The following CLUAP1 variants were observed in gnomAD, a reference collection of about 807,000 sequenced individuals.
The protein encoded by CLUAP1 is clusterin-associated protein 1.
A neutral mutation model predicts 55.0 loss-of-function variants in CLUAP1; 50 were observed. The observed-to-expected ratio is 0.91, with a 90% confidence interval of 0.72 to 1.15. The LOEUF (loss-of-function observed/expected upper bound fraction) is 1.15. Among genes scored for constraint, CLUAP1 ranks in the 50% most tolerant of loss-of-function variants. The probability of loss-of-function intolerance (pLI) is 0.00; values close to 1 mark genes in which losing one functional copy is unlikely to be tolerated. For missense variants in CLUAP1, 530 were observed against 507.6 expected, an observed-to-expected ratio of 1.04 and a Z score of -0.42; for synonymous variants, 195 against 175.4, an observed-to-expected ratio of 1.11 and a Z score of -0.88.
Position 3,512,479 on chromosome 16 carries a change from G to A in CLUAP1, c.495+1G>A, listed in dbSNP as rs2151049673. The A allele has an allele frequency of 6.2e-7, 1 of 1,609,442 alleles. No individual in the cohort carries two copies. Among genetic ancestry groups the A allele is most frequent in the East Asian group, 2.2e-5 (1 of 44,832 alleles). ...GCTCGGCATGGAAGTAGAGTTGAGGGTAAGCATTCCAGTACTTCCTTAACC... is the reference window on the plus strand; with the variant it reads ...GCTCGGCATGGAAGTAGAGTTGAGGATAAGCATTCCAGTACTTCCTTAACC... On this transcript the variant is annotated splice_donor_variant, in intron 5 of 11. Coordinates refer to ENST00000576634, the MANE Select transcript of CLUAP1 (RefSeq NM_015041.3). LOFTEE classifies it high-confidence loss of function.
rs921610116 is a variant in CLUAP1 at position 3,536,151 on chromosome 16, G to T, written c.1122G>T (p.Met374Ile). ...ACTCGGAGGAGAGTGAAATTGACATGGAAGATGATGATGACGAGGATGACG... is the reference window on the plus strand; with the variant it reads ...ACTCGGAGGAGAGTGAAATTGACATTGAAGATGATGATGACGAGGATGACG... Reference protein sequence around the residue: ...NEDSEESEIDMEDDDDEDDDL... With the variant: ...NEDSEESEIDIEDDDDEDDDL... Residue 374 changes from methionine (M) to isoleucine (I), a missense_variant, in exon 12 of 12, where the codon ATG (methionine) becomes ATT (isoleucine). Coordinates refer to ENST00000576634, the MANE Select transcript of CLUAP1 (RefSeq NM_015041.3). 1.9e-6 allele frequency: 3 copies of T among 1,614,022 alleles called. No homozygotes were observed. Among genetic ancestry groups the T allele is most frequent in the African/African-American group, 2.7e-5 (2 of 74,910 alleles).
chr16:3,517,368 G>A (rs945336788), intron 6 of CLUAP1, among the ~76,000 whole-genome samples: 5 of 151,964 alleles, frequency 3.3e-5, no homozygotes, highest in African/African-American at 9.7e-5. Context: ...GTGCAGTAGC[G>A]CCATCTCAGC....
chr16:3,534,802 A>G (rs1327751947), intron 11 of CLUAP1: 1 of 152,234 alleles, frequency 6.6e-6, no homozygotes, highest in Non-Finnish European at 1.5e-5. Context: ...GCAGATCGAA[A>G]GTTTGATTTT....
upstream of CLUAP1, chr16:3,496,412 A>C (rs2037310740): frequency 8.9e-6 from 9 of 1,009,706 alleles, no homozygotes; most frequent in Middle Eastern, 2.4e-4. Flanking sequence ...GATCCGGAAG[A>C]TGAAGCTTCC....
chr16:3,531,202 G>A (rs2038109905), intron 10 of CLUAP1, among the ~76,000 whole-genome samples: 1 of 152,026 alleles, frequency 6.6e-6, no homozygotes, highest in African/African-American at 2.4e-5. Flanking sequence ...CTGCATTCCG[G>A]CCCGGGCAAC....
chr16:3,501,595 CAACAT>C (rs1199822977), intron 1 of CLUAP1, among the ~76,000 whole-genome samples: 1 of 151,982 alleles, frequency 6.6e-6, no homozygotes, highest in Non-Finnish European at 1.5e-5. Context: ...CCAGCCTGAC[CAACAT>C]GGAGAAACCC....
At chr16:3,505,090 T>G (rs1463575313) in intron 2 of CLUAP1, among the ~76,000 whole-genome samples, 1 of 152,054 alleles carries the variant, frequency 6.6e-6, no homozygotes, top group East Asian at 1.9e-4. Flanking sequence ...AAAGAACAAT[T>G]AGCTGAGCCT....
chr16:3,495,430 A>C, the CLUAP1 span: 13 of 1,609,780 alleles, frequency 8.1e-6, no homozygotes, highest in Non-Finnish European at 1.1e-5. Flanking sequence ...ATGGAGGGCC[A>C]GTGTGGTGGG....
intron 5 of CLUAP1, among the ~76,000 whole-genome samples, chr16:3,514,619 T>G (rs958425666): frequency 6.6e-6 from 1 of 152,214 alleles, no homozygotes; most frequent in Non-Finnish European, 1.5e-5. Context: ...GATTTGTTTC[T>G]CACAGTTCTG....
At chr16:3,528,397 G>C (rs953191234) in intron 9 of CLUAP1, among the ~76,000 whole-genome samples, 3 of 152,096 alleles carry the variant, frequency 2.0e-5, no homozygotes, top group Non-Finnish European at 4.4e-5. Context: ...TCTCTCGTCT[G>C]AATCTCAGGA....
chr16:3,519,375 C>G (rs1218259105), intron 6 of CLUAP1, among the ~76,000 whole-genome samples: 4 of 152,234 alleles, frequency 2.6e-5, no homozygotes, highest in African/African-American at 9.6e-5. Context: ...AGTCAAGCTT[C>G]TGTTGCCAGG....
intron 6 of CLUAP1, among the ~76,000 whole-genome samples, chr16:3,519,687 G>C (rs1365507796): frequency 6.6e-6 from 1 of 151,756 alleles, no homozygotes; most frequent in African/African-American, 2.4e-5. Flanking sequence ...TGCTTTTCAT[G>C]GGGAAAAAAA....
At chr16:3,534,871 C>T (rs186254567) in intron 11 of CLUAP1, 3 of 152,348 alleles carry the variant, frequency 2.0e-5, no homozygotes, top group African/African-American at 7.2e-5. Flanking sequence ...GAATTTAAGT[C>T]TGGAGTTCAA....
chr16:3,520,980 G>T (rs369800812), intron 7 of CLUAP1, among the ~76,000 whole-genome samples: 1 of 151,564 alleles, frequency 6.6e-6, no homozygotes, highest in East Asian at 1.9e-4. Context: ...TACTCTGCTC[G>T]GATGTTTTGC....
intron 1 of CLUAP1, among the ~76,000 whole-genome samples, chr16:3,501,513 T>C (rs1263716123): frequency 6.6e-6 from 1 of 152,186 alleles, no homozygotes; most frequent in African/African-American, 2.4e-5. Flanking sequence ...CCGGGCGCGG[T>C]GGCTCACGCC....
At chr16:3,506,475 T>C in intron 3 of CLUAP1, 60 bp downstream of exon 3, 1 of 1,265,560 alleles carries the variant, frequency 7.9e-7, no homozygotes, top group Non-Finnish European at 1.2e-6. Context: ...GGATGACTCC[T>C]TGTTAGGGCG....
At chr16:3,517,345 C>T (rs2037748013) in intron 6 of CLUAP1, among the ~76,000 whole-genome samples, 1 of 152,072 alleles carries the variant, frequency 6.6e-6, no homozygotes, top group South Asian at 2.1e-4. Flanking sequence ...CTTGCTATGT[C>T]ACCCAGGCTG....
chr16:3,500,221 C>T (rs1404239505), upstream of CLUAP1, among the ~76,000 whole-genome samples: 3 of 152,314 alleles, frequency 2.0e-5, no homozygotes, highest in Middle Eastern at 3.4e-3. Context: ...GTTGTGCAGC[C>T]CGAGCCGTCT....
At chr16:3,533,351 G>C in intron 11 of CLUAP1, 1 of 581,910 alleles carries the variant, frequency 1.7e-6, no homozygotes, top group South Asian at 2.1e-5. Context: ...CCTGGAGGCG[G>C]GGAAAGCTCA....
Sources: allele counts gnomAD v4.1 joint callset (sites outside exome capture counted in the v4.1 genomes callset), GRCh38; gene constraint gnomAD v4.1.1; transcripts MANE v1.5; gene names NCBI Gene and HGNC (gene_info 2026-07-23, HGNC 2026-07-21).